AGPS: variants seen among roughly 807,000 people sequenced by gnomAD.
AGPS encodes alkylglycerone phosphate synthase, also known as alkyldihydroxyacetonephosphate synthase, peroxisomal.
In AGPS, 26 loss-of-function variants were observed where a neutral mutation model predicts 90.7. The ratio of observed to expected loss-of-function variants is 0.29; its 90% CI spans 0.21 to 0.40. The LOEUF (loss-of-function observed/expected upper bound fraction) is 0.40. Ranked by LOEUF, AGPS falls within the 10% of genes least tolerant of loss-of-function variation. The pLI is 1.00. For synonymous variants in AGPS, 294 were observed against 285.3 expected, an observed-to-expected ratio of 1.03 and a Z score of -0.31; for missense variants, 540 against 816.1, an observed-to-expected ratio of 0.66 and a Z score of 4.12.
intron 17 of AGPS, among the ~76,000 whole-genome samples, chr2:177,518,030 A>G (rs1348061863): frequency 6.6e-6 from 1 of 152,184 alleles, no homozygotes; most frequent in East Asian, 1.9e-4. Flanking sequence ...AAGAAGCATG[A>G]TATTTATTAA....
At chr2:177,404,753 T>G (rs1685420565) in intron 1 of AGPS, among the ~76,000 whole-genome samples, 1 of 152,236 alleles carries the variant, frequency 6.6e-6, no homozygotes, top group South Asian at 2.1e-4. Flanking sequence ...TGTTTTGCCT[T>G]CACAAATTAT....
At chr2:177,413,890 GTCAT>G (rs745876294) in intron 1 of AGPS, among the ~76,000 whole-genome samples, 1 of 152,144 alleles carries the variant, frequency 6.6e-6, no homozygotes, top group African/African-American at 2.4e-5. Context: ...TTTCAAATGC[GTCAT>G]TCAAACAGTA....
At chr2:177,447,507 G>A (rs1014175548) in intron 8 of AGPS, among the ~76,000 whole-genome samples, 2 of 151,678 alleles carry the variant, frequency 1.3e-5, no homozygotes, top group Non-Finnish European at 2.9e-5. Flanking sequence ...TATCAGCACA[G>A]CACTTTTTTT....
intron 2 of AGPS, among the ~76,000 whole-genome samples, chr2:177,432,956 A>G (rs1686287722): frequency 6.6e-6 from 1 of 152,114 alleles, no homozygotes; most frequent in Non-Finnish European, 1.5e-5. Context: ...GGAACTAACA[A>G]CTCACTCACA....
intron 2 of AGPS, among the ~76,000 whole-genome samples, chr2:177,421,104 T>C (rs186543080): frequency 1.1e-3 from 163 of 152,092 alleles, no homozygotes; most frequent in Non-Finnish European, 1.6e-3. Flanking sequence ...GTAAAACGAG[T>C]TCTTTGTTGG....
At chr2:177,456,469 C>G (rs1178586777) in intron 8 of AGPS, among the ~76,000 whole-genome samples, 1 of 152,092 alleles carries the variant, frequency 6.6e-6, no homozygotes, top group Non-Finnish European at 1.5e-5. Context: ...TTTTCTTAAA[C>G]TTTTTGGCAA....
rs888783611 is a variant in AGPS, at chr2:177,437,263, TAAATC to T, written c.637+211_637+215del. Among the ~76,000 whole-genome samples the T allele has an allele frequency of 6.0e-4, 91 of 152,304 alleles. No individual in the cohort carries two copies. In the Middle Eastern group the frequency reaches 0.01, roughly 17 times the overall value. The stretch of plus-strand genomic sequence containing the variant: ...AACAATTCATTTTGTTGCTGATAAT[TAAATC>T]ATCATTTTAAATGTAAATAATCATA... On this transcript the variant is annotated intron_variant, in intron 5 of 19. Coordinates refer to ENST00000264167, the MANE Select transcript of AGPS (RefSeq NM_003659.4).
At chr2:177,398,909 A>G (rs1016807291) in intron 1 of AGPS, among the ~76,000 whole-genome samples, 1 of 152,140 alleles carries the variant, frequency 6.6e-6, no homozygotes, top group Non-Finnish European at 1.5e-5. Flanking sequence ...AGGAAAAGAG[A>G]ATAGGTCATG....
At chr2:177,462,667 A>G (rs77917109) in intron 9 of AGPS, among the ~76,000 whole-genome samples, 13 of 148,164 alleles carry the variant, frequency 8.8e-5, no homozygotes, top group African/African-American at 3.4e-4. Context: ...AAATATTTGG[A>G]AAAAAAAATA....
intron 2 of AGPS, among the ~76,000 whole-genome samples, chr2:177,421,668 G>A (rs9917195): frequency 0.023 from 3,533 of 152,106 alleles, 146 homozygotes; most frequent in African/African-American, 0.081. Context: ...GGGATTTCTG[G>A]TTAATATCAG....
Position 177,468,534 on chromosome 2 carries a change from A to C in AGPS, c.1105+10A>C. On this transcript the variant is annotated intron_variant, in intron 10 of 19. Coordinates refer to ENST00000264167, the MANE Select transcript of AGPS (RefSeq NM_003659.4). ...ATCATGGGATCTGAAGGTAAATATA[A>C]CTGTAAATTTATTAAGAAAAAATAC... The C allele has an allele frequency of 6.3e-7, 1 of 1,575,984 alleles. No homozygotes were observed. The highest frequency in any genetic ancestry group is 1.1e-5 in the South Asian group (1 of 90,182).
At chr2:177,472,775 G>A (rs528247577) in intron 10 of AGPS, among the ~76,000 whole-genome samples, 54 of 152,048 alleles carry the variant, frequency 3.6e-4, no homozygotes, top group Non-Finnish European at 6.5e-4. Context: ...CATTTCTATA[G>A]GGTCTTTAAT....
intron 5 of AGPS, among the ~76,000 whole-genome samples, chr2:177,439,597 A>G (rs1686534928): frequency 6.6e-6 from 1 of 152,208 alleles, no homozygotes; most frequent in African/African-American, 2.4e-5. Context: ...GAAACAAATG[A>G]CATGTTTTCT....
intron 19 of AGPS, among the ~76,000 whole-genome samples, chr2:177,527,679 T>C (rs1475590400): frequency 6.6e-6 from 1 of 152,164 alleles, no homozygotes; most frequent in Non-Finnish European, 1.5e-5. Flanking sequence ...TAAAGCTATG[T>C]GTATAAGTTA....
At chr2:177,438,386 AAAAAAC>A (rs964581249) in intron 5 of AGPS, among the ~76,000 whole-genome samples, 28 of 152,300 alleles carry the variant, frequency 1.8e-4, no homozygotes, top group Middle Eastern at 3.4e-3. Context: ...CTCATGTCTT[AAAAAAC>A]AAAAACAAAA....
In AGPS at chr2:177,462,094, A is replaced by T. The variant is rs1386866616; in HGVS notation, c.996+76A>T. 4 of 1,349,728 alleles carry T rather than the reference A, an allele frequency of 3.0e-6. No homozygotes were observed. The African/African-American group carries it at 5.9e-5, about 20-fold the overall frequency. 83.6% of individuals were successfully genotyped at this position (1,349,728 alleles called of 1,614,324 possible). On this transcript the variant is annotated intron_variant, in intron 9 of 19. Coordinates refer to ENST00000264167, the MANE Select transcript of AGPS (RefSeq NM_003659.4). ...ATTATAAAATGATTAGAAGCCTTTA[A>T]AAATTAAGAGTTGGGCCTGGGCGCG...
At chr2:177,465,930 C>G (rs907839538) in intron 9 of AGPS, among the ~76,000 whole-genome samples, 5 of 152,204 alleles carry the variant, frequency 3.3e-5, no homozygotes, top group Non-Finnish European at 7.3e-5. Flanking sequence ...TTTAGCGGGT[C>G]CTGAGTTTTT....
At chr2:177,434,997 G>GTGTATA (rs1553509326) in intron 3 of AGPS, among the ~76,000 whole-genome samples, 1 of 128,160 alleles carries the variant, frequency 7.8e-6, no homozygotes, top group Non-Finnish European at 1.6e-5. Context: ...TAAACTGTAG[G>GTGTATA]TATATATATA....
At chr2:177,483,984 T>C (rs559291927) in intron 11 of AGPS, among the ~76,000 whole-genome samples, 2 of 144,014 alleles carry the variant, frequency 1.4e-5, no homozygotes, top group South Asian at 2.2e-4. Flanking sequence ...TATGAATTAA[T>C]ACATAAAAGA....
Sources: gnomAD v4.1 joint callset for allele counts (sites outside exome capture counted in the v4.1 genomes callset) on GRCh38, gnomAD v4.1.1 for gene constraint, MANE v1.5 for transcripts, NCBI Gene and HGNC (gene_info 2026-07-23, HGNC 2026-07-21) for gene names.